Variants in MARCHF11 observed in about 807,000 individuals in gnomAD.
The protein encoded by MARCHF11 is E3 ubiquitin-protein ligase MARCHF11.
MARCHF11 carries 29 observed loss-of-function variants against 37.3 expected under a neutral mutation model. The ratio of observed to expected loss-of-function variants is 0.78; its 90% confidence interval spans 0.58 to 1.06. MARCHF11 has a LOEUF of 1.06. MARCHF11 is among the 50% of genes least tolerant of loss of function. The pLI is 0.00. For synonymous variants in MARCHF11, 233 were observed against 228.0 expected, an observed-to-expected ratio of 1.02 and a Z score of -0.20; for missense variants, 482 against 533.4, an observed-to-expected ratio of 0.90 and a Z score of 0.95.
chr5:16,145,180 A>G (rs1411044043), intron 2 of MARCHF11, among the ~76,000 whole-genome samples: 3 of 152,182 alleles, frequency 2.0e-5, no homozygotes, highest in Non-Finnish European at 4.4e-5. Flanking sequence ...TACAGTGGAG[A>G]AATCTGCCAA....
intron 2 of MARCHF11, among the ~76,000 whole-genome samples, chr5:16,137,975 T>C (rs1455083843): frequency 6.6e-6 from 1 of 152,204 alleles, no homozygotes; most frequent in African/African-American, 2.4e-5. Context: ...TTGGAACTTA[T>C]GTTTAAGAGC....
chr5:16,172,325 T>A (rs1014697904), intron 2 of MARCHF11, among the ~76,000 whole-genome samples: 6 of 152,186 alleles, frequency 3.9e-5, no homozygotes, highest in Non-Finnish European at 8.8e-5. Context: ...GAAAATTGCC[T>A]CGTGATGTGC....
intron 2 of MARCHF11, among the ~76,000 whole-genome samples, chr5:16,113,209 T>C (rs1273499647): frequency 5.3e-5 from 8 of 152,228 alleles, no homozygotes; most frequent in Admixed American, 5.2e-4. Context: ...TGCCATGATC[T>C]ATAGAAAGCT....
intron 2 of MARCHF11, among the ~76,000 whole-genome samples, chr5:16,093,673 T>A (rs1736820938): frequency 6.6e-6 from 1 of 152,140 alleles, no homozygotes; most frequent in African/African-American, 2.4e-5. Flanking sequence ...GCTTCACGCT[T>A]GTTTTGGTGA....
At chr5:16,154,271 G>A (rs1311949471) in intron 2 of MARCHF11, among the ~76,000 whole-genome samples, 2 of 151,900 alleles carry the variant, frequency 1.3e-5, no homozygotes, top group African/African-American at 4.8e-5. Flanking sequence ...GGAGTAATGT[G>A]AGCCATACTG....
At chr5:16,123,228 G>T (rs547913983) in intron 2 of MARCHF11, among the ~76,000 whole-genome samples, 6 of 152,270 alleles carry the variant, frequency 3.9e-5, no homozygotes, top group African/African-American at 1.4e-4. Context: ...TGGAGATAGG[G>T]TGTTTGCAAA....
At chr5:16,113,240 A>G (rs74601100) in intron 2 of MARCHF11, among the ~76,000 whole-genome samples, 3,210 of 152,308 alleles carry the variant, frequency 0.021, 122 homozygotes, top group African/African-American at 0.074. Flanking sequence ...TGGATTGACA[A>G]TATTCATTGT....
intron 3 of MARCHF11, among the ~76,000 whole-genome samples, chr5:16,083,686 T>C (rs563415641): frequency 1.8e-4 from 27 of 152,334 alleles, no homozygotes; most frequent in African/African-American, 5.1e-4. Flanking sequence ...TCCTGAATCA[T>C]GCTGAGAGAT....
intron 2 of MARCHF11, among the ~76,000 whole-genome samples, chr5:16,119,892 C>T (rs1433429160): frequency 6.6e-6 from 1 of 152,184 alleles, no homozygotes; most frequent in Non-Finnish European, 1.5e-5. Context: ...CAAATGAATG[C>T]GCTTAAAATG....
At chr5:16,135,303 C>A (rs557886000) in intron 2 of MARCHF11, among the ~76,000 whole-genome samples, 1 of 152,166 alleles carries the variant, frequency 6.6e-6, no homozygotes, top group Non-Finnish European at 1.5e-5. Flanking sequence ...GAATGATTTG[C>A]AGATGTGTCT....
intron 3 of MARCHF11, among the ~76,000 whole-genome samples, chr5:16,086,571 A>G (rs139156253): frequency 6.4e-4 from 98 of 152,326 alleles, no homozygotes; most frequent in African/African-American, 2.3e-3. Flanking sequence ...GGTGTTGATT[A>G]GAGCTGGTAC....
intron 2 of MARCHF11, among the ~76,000 whole-genome samples, chr5:16,123,767 G>T (rs1014917586): frequency 1.1e-4 from 17 of 152,136 alleles, no homozygotes; most frequent in Non-Finnish European, 1.5e-5. Flanking sequence ...GTGTTCAGCA[G>T]AATTTGCAGA....
intron 2 of MARCHF11, among the ~76,000 whole-genome samples, chr5:16,168,620 C>T (rs547919645): frequency 1.3e-5 from 2 of 152,234 alleles, no homozygotes; most frequent in South Asian, 2.1e-4. Context: ...CCAGAGAATG[C>T]CATGCAGGCA....
chr5:16,104,200 T>G (rs1474545672), intron 2 of MARCHF11, among the ~76,000 whole-genome samples: 1 of 152,120 alleles, frequency 6.6e-6, no homozygotes, highest in African/African-American at 2.4e-5. Flanking sequence ...TAAGGCCCCT[T>G]TCCGCTCTAT....
At chr5:16,095,092 T>C (rs1241234219) in intron 2 of MARCHF11, among the ~76,000 whole-genome samples, 1 of 152,188 alleles carries the variant, frequency 6.6e-6, no homozygotes, top group African/African-American at 2.4e-5. Context: ...GACTATGTAA[T>C]AATTCCACCA....
rs148868963 is a variant in MARCHF11 at position 16,100,295 on chromosome 5, C to T, written c.694-9214G>A. 2.0e-4 allele frequency among the ~76,000 whole-genome samples: 31 copies of T among 152,214 alleles called. No individual in the cohort carries two copies. The South Asian group carries it at 2.1e-3, about 10-fold the overall frequency. ...CAAGTGAAGTGGACACGGGAGTAGG[C>T]GAGGCTGCCCTTTAACTCCAGGACC... On this transcript the variant is annotated intron_variant, in intron 2 of 3. Transcript: ENST00000332432.
chr5:16,158,852 C>T (rs919801949), intron 2 of MARCHF11, among the ~76,000 whole-genome samples: 3 of 151,898 alleles, frequency 2.0e-5, no homozygotes, highest in Admixed American at 1.3e-4. Flanking sequence ...TCCTGATGCT[C>T]TTCTTCCCGC....
intron 2 of MARCHF11, among the ~76,000 whole-genome samples, chr5:16,100,548 G>T (rs1736938130): frequency 6.6e-6 from 1 of 152,142 alleles, no homozygotes; most frequent in African/African-American, 2.4e-5. Context: ...ACTCTAAATG[G>T]CAGAGGTAGC....
At chr5:16,120,647 C>A (rs1389556803) in intron 2 of MARCHF11, among the ~76,000 whole-genome samples, 3 of 152,250 alleles carry the variant, frequency 2.0e-5, no homozygotes, top group African/African-American at 7.2e-5. Context: ...AAACTGGCCA[C>A]ATGAGCGGCA....
Sources: gnomAD v4.1 joint callset for allele counts (sites outside exome capture counted in the v4.1 genomes callset) on GRCh38, gnomAD v4.1.1 for gene constraint, MANE v1.5 for transcripts, NCBI Gene and HGNC (gene_info 2026-07-23, HGNC 2026-07-21) for gene names.